The following PCDHA9 variants were observed in gnomAD, a reference collection of about 807,000 sequenced individuals.
The protein encoded by PCDHA9 is protocadherin alpha-9.
In PCDHA9, 62 loss-of-function variants were observed where a neutral mutation model predicts 62.0. The observed-to-expected ratio is 1.00, with a 90% CI of 0.81 to 1.23. PCDHA9 has a LOEUF of 1.23. PCDHA9 is among the 50% of genes most tolerant of loss of function. The probability of loss-of-function intolerance (pLI) is 0.00; values close to 1 mark genes in which losing one functional copy is unlikely to be tolerated. For synonymous variants in PCDHA9, 557 were observed against 567.6 expected (o/e 0.98, Z 0.27); for missense variants, 1,205 against 1,249.8 (o/e 0.96, Z 0.54).
At chr5:140,943,515 G>C (rs2093511975) in intron 1 of PCDHA9, among the ~76,000 whole-genome samples, 1 of 152,100 alleles carries the variant, frequency 6.6e-6, no homozygotes, top group African/African-American at 2.4e-5. Context: ...TGGAAATGTT[G>C]AGTTCAGTAT....
In PCDHA9 at chr5:140,853,190, C is replaced by A. The variant is rs1013741160; in HGVS notation, c.2394+2301C>A. On this transcript the variant is annotated intron_variant, in intron 1 of 3. Transcript: ENST00000532602. ...CACCGCGCCTGGCCTAAAATGTGTT[C>A]TTTATTATTGACGGCTGTATTGATG... is the stretch of plus-strand genomic sequence containing the variant. 7.1e-6 allele frequency: 7 copies of A among 980,440 alleles called. No individual in the cohort carries two copies. In the African/African-American group the frequency reaches 1.2e-4, roughly 17 times the overall value. The allele number at this position is 980,440 out of a possible 1,614,324, so 60.7% of individuals were successfully genotyped here.
At chr5:140,916,252 G>A (rs2077495466) in intron 1 of PCDHA9, among the ~76,000 whole-genome samples, 1 of 152,176 alleles carries the variant, frequency 6.6e-6, no homozygotes, top group Admixed American at 6.5e-5. Flanking sequence ...TGGACTTGGG[G>A]ACCCCAAGAG....
chr5:140,913,276 CT>C (rs1468388675), intron 1 of PCDHA9, among the ~76,000 whole-genome samples: 1 of 152,070 alleles, frequency 6.6e-6, no homozygotes, highest in Non-Finnish European at 1.5e-5. Flanking sequence ...TGTTATTGGT[CT>C]GTTTAGGTTT....
chr5:141,000,051 C>T (rs1483967510), intron 3 of PCDHA9, among the ~76,000 whole-genome samples: 3 of 152,100 alleles, frequency 2.0e-5, no homozygotes, highest in African/African-American at 7.2e-5. Flanking sequence ...ACACCACTCT[C>T]CCAGCTGCTC....
chr5:140,876,931 A>G lies in PCDHA9; in HGVS notation c.2394+26042A>G, dbSNP rs377563074. The stretch of plus-strand genomic sequence containing the variant: ...GGCATGGGACGCGGACGCGCAGAAG[A>G]ACGCGCTGGTGTCCTACTCGCTGGT... On this transcript the variant is annotated intron_variant, in intron 1 of 3. Coordinates refer to ENST00000532602, the MANE Select transcript of PCDHA9 (RefSeq NM_031857.2). 8 of 1,613,668 alleles carry G rather than the reference A, an allele frequency of 5.0e-6. No individual in the cohort carries two copies. In the African/African-American group the frequency reaches 1.1e-4, roughly 22 times the overall value.
chr5:140,870,955 C>T, intron 1 of PCDHA9: 1 of 1,613,632 alleles, frequency 6.2e-7, no homozygotes, highest in Non-Finnish European at 8.5e-7. Context: ...GGGCGGCTCG[C>T]GCATCCCGTT....
At chr5:140,882,534 G>C in intron 1 of PCDHA9, 1 of 1,614,204 alleles carries the variant, frequency 6.2e-7, no homozygotes. Flanking sequence ...GTGAATTCTC[G>C]GATCGACCGC....
At chr5:140,915,096 C>T (rs530875134) in intron 1 of PCDHA9, among the ~76,000 whole-genome samples, 1 of 152,060 alleles carries the variant, frequency 6.6e-6, no homozygotes, top group Admixed American at 6.5e-5. Context: ...TGGGCACGCA[C>T]CACCACAACA....
At chr5:140,862,209 A>C (rs2047255709) in intron 1 of PCDHA9, 2 of 201,904 alleles carry the variant, frequency 9.9e-6, no homozygotes, top group South Asian at 2.0e-4. Flanking sequence ...TGATCACTGC[A>C]CAGACTTGAT....
At chr5:140,861,543 C>G (rs1554154929) in intron 1 of PCDHA9, 2 of 424,418 alleles carry the variant, frequency 4.7e-6, no homozygotes, top group East Asian at 7.1e-5. Flanking sequence ...CAGCATCCAC[C>G]TGGAAGTGAT....
chr5:140,937,785 G>T (rs962276976), intron 1 of PCDHA9, among the ~76,000 whole-genome samples: 2 of 150,438 alleles, frequency 1.3e-5, no homozygotes, highest in African/African-American at 4.9e-5. Flanking sequence ...GGTGGCGGGC[G>T]TATGTAGTCC....
intron 1 of PCDHA9, among the ~76,000 whole-genome samples, chr5:140,915,973 T>G (rs1472373994): frequency 3.9e-5 from 6 of 152,150 alleles, no homozygotes; most frequent in African/African-American, 1.4e-4. Context: ...TGATATTTTA[T>G]TTGACTACGG....
At chr5:140,860,205 A>G (rs1007227708) in intron 1 of PCDHA9, 2 of 149,744 alleles carry the variant, frequency 1.3e-5, no homozygotes, top group East Asian at 3.9e-4. Flanking sequence ...ATATATCTAT[A>G]TATGTACTTA....
chr5:140,883,003 C>T, intron 1 of PCDHA9: 1 of 1,614,050 alleles, frequency 6.2e-7, no homozygotes, highest in East Asian at 2.2e-5. Flanking sequence ...TTTACCAATC[C>T]GTTTATAAAG....
At chr5:140,860,671 T>G (rs1339790199) in intron 1 of PCDHA9, 4 of 152,218 alleles carry the variant, frequency 2.6e-5, no homozygotes, top group Non-Finnish European at 2.9e-5. Flanking sequence ...TGAAATCAAA[T>G]GCACTTATGT....
chr5:140,852,816 A>C, intron 1 of PCDHA9: 2 of 972,756 alleles, frequency 2.1e-6, no homozygotes, highest in Non-Finnish European at 1.2e-6. Flanking sequence ...CTCCCGCCCT[A>C]AGTCCTCCAG....
rs868965340 is a variant in PCDHA9, at chr5:141,007,276, G to A, written c.2543-2351G>A. On this transcript the variant is annotated intron_variant, in intron 3 of 3. Transcript: ENST00000532602. ...TAAAAGAAGCAGATACAGGCTGGGT[G>A]CAGTGGGCTCATGCCTGTAATCTTA... Among the ~76,000 whole-genome samples the A allele has an allele frequency of 3.3e-5, 5 of 151,858 alleles. No homozygotes were observed. In the South Asian group the frequency reaches 8.3e-4, roughly 25 times the overall value.
At chr5:140,998,415 C>T (rs1554256243) in intron 3 of PCDHA9, among the ~76,000 whole-genome samples, 1 of 152,158 alleles carries the variant, frequency 6.6e-6, no homozygotes, top group African/African-American at 2.4e-5. Context: ...GTTTATCTAC[C>T]TGGTTTATCC....
intron 1 of PCDHA9, among the ~76,000 whole-genome samples, chr5:140,892,286 C>A (rs2063458721): frequency 1.3e-5 from 2 of 152,136 alleles, no homozygotes; most frequent in South Asian, 4.1e-4. Flanking sequence ...TTAAACACTT[C>A]TTCCTGGAAA....
Sources: allele counts gnomAD v4.1 joint callset (sites outside exome capture counted in the v4.1 genomes callset), GRCh38; gene constraint gnomAD v4.1.1; transcripts MANE v1.5; gene names NCBI Gene and HGNC (gene_info 2026-07-23, HGNC 2026-07-21).